Variants in SPATC1 observed in about 807,000 individuals in gnomAD.
SPATC1 encodes the protein speriolin.
A neutral mutation model predicts 36.5 loss-of-function variants in SPATC1; 35 were observed. That is an observed-to-expected ratio of 0.96 (90% CI 0.73 to 1.27). The LOEUF is 1.27. SPATC1 is among the 50% of genes most tolerant of loss of function. SPATC1 has a pLI of 0.00. For missense variants in SPATC1, 779 were observed against 796.0 expected, an observed-to-expected ratio of 0.98 and a Z score of 0.26; for synonymous variants, 361 against 353.6, an observed-to-expected ratio of 1.02 and a Z score of -0.24.
At position 144,039,928 on chromosome 8, in the gene SPATC1, C is replaced by T. The variant is rs782655299; in HGVS notation, c.231C>T (p.Ser77=). ...RQNNGVFLPP[S]PAVANERVLE... Reference sequence around the variant, plus strand: ...TCCCAGGTGTCTTCCTGCCCCCGTCCCCAGCAGTGGCAAACGAACGAGTCC... The same window carrying T: ...TCCCAGGTGTCTTCCTGCCCCCGTCTCCAGCAGTGGCAAACGAACGAGTCC... Residue 77 remains serine, a synonymous_variant, in exon 2 of 5, where the codon TCC becomes TCT. Coordinates refer to ENST00000377470, the MANE Select transcript of SPATC1 (RefSeq NM_198572.3). The T allele has an allele frequency of 6.2e-7, 1 of 1,613,836 alleles. No homozygotes were observed. The highest frequency in any genetic ancestry group is 2.2e-5 in the East Asian group (1 of 44,870).
chr8:144,033,800 CTCAG>C (rs1834845088), intron 1 of SPATC1, among the ~76,000 whole-genome samples: 1 of 152,178 alleles, frequency 6.6e-6, no homozygotes, highest in Admixed American at 6.5e-5. Context: ...ATTGGCTTTT[CTCAG>C]TCCATGCTGA....
At chr8:144,044,098 T>A (rs1554756446) in intron 4 of SPATC1, among the ~76,000 whole-genome samples, 2 of 152,274 alleles carry the variant, frequency 1.3e-5, no homozygotes, top group Admixed American at 6.5e-5. Context: ...TCGAGCCAGG[T>A]GTACACCAGG....
chr8:144,037,132 C>A (rs1365071804), intron 1 of SPATC1, among the ~76,000 whole-genome samples: 17 of 118,624 alleles, frequency 1.4e-4, no homozygotes, highest in African/African-American at 5.6e-4. Context: ...GCCGCCCCGT[C>A]CGGGAGGGAG....
chr8:144,030,447 C>T (rs1834771334), intron 1 of SPATC1, among the ~76,000 whole-genome samples: 1 of 152,222 alleles, frequency 6.6e-6, no homozygotes, highest in Admixed American at 6.5e-5. Context: ...CAGCCTCCGC[C>T]TCCTGGGTTC....
intron 1 of SPATC1, among the ~76,000 whole-genome samples, chr8:144,019,792 C>T (rs1012359832): frequency 5.9e-5 from 9 of 151,988 alleles, no homozygotes; most frequent in African/African-American, 1.7e-4. Context: ...GGACTGAGGG[C>T]CTGCTCTAGC....
At position 144,039,948 on chromosome 8, in the gene SPATC1, G is replaced by A. The variant is rs184131268; in HGVS notation, c.251G>A (p.Arg84Gln). ...LPPSPAVANERVLEEVGIMAL... is the reference protein window; with the variant it reads ...LPPSPAVANEQVLEEVGIMAL... ...CCGTCCCCAGCAGTGGCAAACGAAC[G>A]AGTCCTCGAAGAAGTGGGGATCATG... The change falls in exon 2 of 5, where the codon CGA (arginine) becomes CAA (glutamine). Residue 84 changes from arginine to glutamine, a missense_variant. Arg to Gln is a conservative substitution (Grantham distance 43). Transcript: ENST00000377470. 4.6e-5 allele frequency: 74 copies of A among 1,613,930 alleles called. No individual in the cohort carries two copies. In the East Asian group the frequency reaches 1.3e-3, roughly 28 times the overall value.
upstream of SPATC1, among the ~76,000 whole-genome samples, chr8:144,011,047 C>T (rs201271393): frequency 1.4e-4 from 21 of 151,698 alleles, no homozygotes; most frequent in East Asian, 2.3e-3. The surrounding 1 kb of genome is among the most constrained non-coding windows in gnomAD (Gnocchi z 4.5). Flanking sequence ...GTCTAATAGA[C>T]GTGATTAATA....
Position 144,040,782 on chromosome 8 carries a change from C to A in SPATC1, c.981C>A (p.Thr327=), listed in dbSNP as rs782277214. The change falls in exon 3 of 5, where the codon ACC becomes ACA. Residue 327 remains threonine (T), a synonymous_variant. Coordinates refer to ENST00000377470, the MANE Select transcript of SPATC1 (RefSeq NM_198572.3). ...CTGCATCTGTCCCCACCTCCCCCAC[C>A]ACCTCCCCCACGGTCACCGTCCTTG... is the stretch of plus-strand genomic sequence containing the variant. ...VVPASVPTSP[T]TSPTVTVLAS... 5 of 1,563,998 alleles carry A rather than the reference C, an allele frequency of 3.2e-6. No individual in the cohort carries two copies.
Position 144,040,988 on chromosome 8 carries a change from C to G in SPATC1, c.1187C>G (p.Pro396Arg), listed in dbSNP as rs782656118. Residue 396 changes from proline to arginine, a missense_variant, in exon 3 of 5, where the codon CCG becomes CGG. Pro to Arg is a moderately radical substitution (Grantham distance 103). Transcript: ENST00000377470. ...TCCCCACCTCGTACCTCATCCTCCC[C>G]GGCTTCAGTCAATGACTCTCGAGGT... ...AHSPPRTSSS[P>R]ASVNDSRGPR... 26 of 1,612,386 alleles carry G rather than the reference C, an allele frequency of 1.6e-5. No homozygotes were observed. The South Asian group carries it at 2.6e-4, about 16-fold the overall frequency.
Position 144,040,046 on chromosome 8 carries a change from C to T in SPATC1, c.349C>T (p.Leu117=), listed in dbSNP as rs1305729502. The T allele has an allele frequency of 7.4e-6, 12 of 1,613,578 alleles. No individual in the cohort carries two copies. In the African/African-American group the frequency reaches 1.3e-4, roughly 18 times the overall value. Residue 117 remains leucine (L), a synonymous_variant, in exon 2 of 5, where the codon CTG becomes TTG. Transcript: ENST00000377470. ...SATPGSLMSP[L]TGTLSTLLSG... ...CACACCGGGCTCACTCATGAGCCCC[C>T]TGACAGGCACCCTCAGCACGCTGCT... is the stretch of plus-strand genomic sequence containing the variant.
intron 1 of SPATC1, among the ~76,000 whole-genome samples, chr8:144,038,381 C>T (rs1486316349): frequency 1.4e-5 from 2 of 147,628 alleles, no homozygotes; most frequent in East Asian, 2.1e-4. Flanking sequence ...TGCAGTGAGC[C>T]GAGATTGTGC....
intron 4 of SPATC1, among the ~76,000 whole-genome samples, chr8:144,042,335 T>TTTTTTTC (rs1835136069): frequency 8.2e-6 from 1 of 121,920 alleles, no homozygotes; most frequent in African/African-American, 3.4e-5. Flanking sequence ...TTTTTTTTTT[T>TTTTTTTC]TGAGTTGGTG....
intron 1 of SPATC1, among the ~76,000 whole-genome samples, chr8:144,022,738 AC>A (rs1401483513): frequency 0.052 from 7,731 of 148,610 alleles, 127 homozygotes; most frequent in Non-Finnish European, 0.076. Flanking sequence ...TCCCCTCAGG[AC>A]CCTCTTCCCT....
chr8:144,013,811 C>T (rs782681119), intron 1 of SPATC1, among the ~76,000 whole-genome samples: 2 of 152,002 alleles, frequency 1.3e-5, no homozygotes, highest in Non-Finnish European at 1.5e-5. Flanking sequence ...CAAAAATCTT[C>T]TGGACATGGT....
chr8:144,012,076 G>A (rs1257322245), upstream of SPATC1, among the ~76,000 whole-genome samples: 2 of 152,202 alleles, frequency 1.3e-5, no homozygotes, highest in East Asian at 1.9e-4. Flanking sequence ...TTCCAGGAAC[G>A]TGTTACAATC....
intron 4 of SPATC1, among the ~76,000 whole-genome samples, chr8:144,042,311 A>ATATATATATATATATATATATAT (rs1412021347): frequency 4.2e-5 from 1 of 23,882 alleles, no homozygotes; most frequent in African/African-American, 2.4e-4. Flanking sequence ...ATATATATAT[A>ATATATATATATATATATATATAT]TTTTTTTTTT....
At chr8:144,024,000 CTCTA>C (rs1834614853) in intron 1 of SPATC1, among the ~76,000 whole-genome samples, 1 of 150,798 alleles carries the variant, frequency 6.6e-6, no homozygotes, top group Non-Finnish European at 1.5e-5. Context: ...CCTCAGGACC[CTCTA>C]CCCTAAGGAC....
chr8:144,031,016 C>A (rs1834782532), intron 1 of SPATC1, among the ~76,000 whole-genome samples: 1 of 152,106 alleles, frequency 6.6e-6, no homozygotes, highest in African/African-American at 2.4e-5. Flanking sequence ...TTGTTTTATA[C>A]ATTTGTCTTT....
intron 1 of SPATC1, among the ~76,000 whole-genome samples, chr8:144,028,619 T>C (rs1367679918): frequency 6.6e-6 from 1 of 152,186 alleles, no homozygotes; most frequent in Non-Finnish European, 1.5e-5. Flanking sequence ...TGTAAACTAG[T>C]TCAACTATTG....
Sources: gnomAD v4.1 joint callset for allele counts (sites outside exome capture counted in the v4.1 genomes callset) on GRCh38, gnomAD v4.1.1 for gene constraint, Gnocchi (gnomAD v3.1) non-coding constraint, MANE v1.5 for transcripts, NCBI Gene and HGNC (gene_info 2026-07-23, HGNC 2026-07-21) for gene names.